Variants in ATXN7L1 observed in about 807,000 individuals in gnomAD.
ATXN7L1 encodes the protein ataxin 7 like 1.
In ATXN7L1, 15 loss-of-function variants were observed where a neutral mutation model predicts 70.8. That is an observed-to-expected ratio of 0.21 (90% CI 0.14 to 0.33). ATXN7L1 has a LOEUF of 0.33. Among genes scored for constraint, ATXN7L1 ranks in the 10% least tolerant of loss-of-function variants. The pLI is 1.00. For synonymous variants in ATXN7L1, 440 were observed against 445.1 expected (o/e 0.99, Z 0.14); for missense variants, 975 against 1,097.1 (o/e 0.89, Z 1.57).
chr7:105,718,332 G>A (rs1200775050), intron 3 of ATXN7L1, among the ~76,000 whole-genome samples: 1 of 152,234 alleles, frequency 6.6e-6, no homozygotes, highest in Non-Finnish European at 1.5e-5. Flanking sequence ...GAGCCAGCAA[G>A]TAAGCAGTCC....
At chr7:105,802,065 A>G (rs1806899190) in intron 2 of ATXN7L1, among the ~76,000 whole-genome samples, 1 of 152,182 alleles carries the variant, frequency 6.6e-6, no homozygotes, top group Non-Finnish European at 1.5e-5. Flanking sequence ...TTTAATCTGC[A>G]TAGCTTGGCT....
intron 8 of ATXN7L1, among the ~76,000 whole-genome samples, chr7:105,622,047 T>A (rs892289432): frequency 6.6e-6 from 1 of 152,220 alleles, no homozygotes; most frequent in Admixed American, 6.5e-5. Context: ...CGGCAGCATG[T>A]GGGAGCTGTT....
intron 2 of ATXN7L1, among the ~76,000 whole-genome samples, chr7:105,849,447 A>G (rs1027762893): frequency 2.0e-5 from 3 of 152,084 alleles, no homozygotes; most frequent in African/African-American, 7.2e-5. Context: ...AAACACCAAA[A>G]CACCAGGGCT....
chr7:105,812,121 T>C (rs1808516705), intron 2 of ATXN7L1, among the ~76,000 whole-genome samples: 1 of 152,176 alleles, frequency 6.6e-6, no homozygotes, highest in Admixed American at 6.5e-5. Flanking sequence ...TAACCTTGCC[T>C]CAACCTTAGT....
intron 4 of ATXN7L1, among the ~76,000 whole-genome samples, chr7:105,655,071 G>A (rs983295068): frequency 6.6e-6 from 1 of 152,094 alleles, no homozygotes; most frequent in African/African-American, 2.4e-5. Flanking sequence ...TCCTTCCCCA[G>A]CTGTCTTGGT....
intron 3 of ATXN7L1, chr7:105,677,863 G>C (rs1428990894): frequency 1.1e-6 from 1 of 874,070 alleles, no homozygotes; most frequent in Non-Finnish European, 1.4e-6. Flanking sequence ...ACTTTCAACA[G>C]CACAGGGCCA....
intron 7 of ATXN7L1, among the ~76,000 whole-genome samples, chr7:105,627,181 C>G (rs551513651): frequency 2.0e-5 from 3 of 152,272 alleles, no homozygotes; most frequent in Non-Finnish European, 4.4e-5. Context: ...CTGGATTTTA[C>G]TAAGTGTGAT....
intron 2 of ATXN7L1, among the ~76,000 whole-genome samples, chr7:105,838,547 C>T (rs191331977): frequency 8.4e-4 from 128 of 152,188 alleles, no homozygotes; most frequent in Middle Eastern, 6.8e-3. Context: ...GTGCAGAAAT[C>T]GGTTAGATTC....
chr7:105,787,889 C>T (rs1333453752), intron 3 of ATXN7L1, among the ~76,000 whole-genome samples: 6 of 152,190 alleles, frequency 3.9e-5, no homozygotes, highest in African/African-American at 1.4e-4. Context: ...ATCCAATTCC[C>T]TGCTATAGAT....
chr7:105,759,877 A>G (rs1295475717), intron 3 of ATXN7L1, among the ~76,000 whole-genome samples: 1 of 151,996 alleles, frequency 6.6e-6, no homozygotes, highest in Non-Finnish European at 1.5e-5. Context: ...CCCCAAAGAT[A>G]GAAATCAGTA....
At chr7:105,648,369 G>T (rs1039635141) in intron 4 of ATXN7L1, among the ~76,000 whole-genome samples, 3 of 152,166 alleles carry the variant, frequency 2.0e-5, no homozygotes, top group Admixed American at 2.0e-4. Context: ...AGGCAGCTGA[G>T]TGATGGTGGG....
intron 2 of ATXN7L1, among the ~76,000 whole-genome samples, chr7:105,832,854 C>T (rs1202962555): frequency 6.6e-6 from 1 of 152,168 alleles, no homozygotes; most frequent in Non-Finnish European, 1.5e-5. Flanking sequence ...TGCCCACATC[C>T]CACCTTTAAT....
intron 4 of ATXN7L1, among the ~76,000 whole-genome samples, chr7:105,643,728 T>C (rs1379203620): frequency 6.6e-6 from 1 of 152,232 alleles, no homozygotes; most frequent in Non-Finnish European, 1.5e-5. Flanking sequence ...CATGTAGCAT[T>C]ATCCAATATT....
chr7:105,731,798 G>GAAAAGAAAAGAAAAGAAAAGAA (rs1563046515), intron 3 of ATXN7L1, among the ~76,000 whole-genome samples: 16 of 151,442 alleles, frequency 1.1e-4, no homozygotes, highest in African/African-American at 2.7e-4. Flanking sequence ...GAAAAGAAAA[G>GAAAAGAAAAGAAAAGAAAAGAA]AAAAGAAAAC....
intron 2 of ATXN7L1, among the ~76,000 whole-genome samples, chr7:105,863,499 G>T (rs776713057): frequency 6.6e-6 from 1 of 152,236 alleles, no homozygotes; most frequent in Non-Finnish European, 1.5e-5. Flanking sequence ...CACTCACTCC[G>T]CACTTGCAGA....
chr7:105,673,576 C>T (rs1804110326), intron 3 of ATXN7L1, among the ~76,000 whole-genome samples: 1 of 152,208 alleles, frequency 6.6e-6, no homozygotes, highest in Non-Finnish European at 1.5e-5. Context: ...GTTCAATCTG[C>T]TTTTGTAGCT....
At chr7:105,705,732 C>T (rs1793076078) in intron 3 of ATXN7L1, among the ~76,000 whole-genome samples, 1 of 152,290 alleles carries the variant, frequency 6.6e-6, no homozygotes, top group South Asian at 2.1e-4. Flanking sequence ...GTTTGTTCTT[C>T]ACCTTGGTTA....
chr7:105,831,590 C>CA (rs1212753660), intron 2 of ATXN7L1, among the ~76,000 whole-genome samples: 1 of 152,092 alleles, frequency 6.6e-6, no homozygotes. Context: ...TGAAGCCCCA[C>CA]AAAAAATGAC....
intron 2 of ATXN7L1, among the ~76,000 whole-genome samples, chr7:105,796,471 G>A (rs1299919631): frequency 6.6e-6 from 1 of 152,208 alleles, no homozygotes; most frequent in Non-Finnish European, 1.5e-5. Context: ...AATGGCCAGA[G>A]GACCAGGTGC....
Sources: gnomAD v4.1 joint callset for allele counts (sites outside exome capture counted in the v4.1 genomes callset) on GRCh38, gnomAD v4.1.1 for gene constraint, MANE v1.5 for transcripts, NCBI Gene and HGNC (gene_info 2026-07-23, HGNC 2026-07-21) for gene names.